Variants in SENP6 observed in about 807,000 individuals in gnomAD.
SENP6 encodes the protein sentrin-specific protease 6.
SENP6 carries 41 observed loss-of-function variants against 134.5 expected under a neutral mutation model. The ratio of observed to expected loss-of-function variants is 0.30; its 90% confidence interval spans 0.24 to 0.40. The LOEUF (loss-of-function observed/expected upper bound fraction) is 0.40. Ranked by LOEUF, SENP6 falls within the 10% of genes least tolerant of loss-of-function variation. The pLI, the probability that SENP6 is intolerant of heterozygous loss-of-function variation, is 1.00. For synonymous variants in SENP6, 395 were observed against 429.8 expected (o/e 0.92, Z 1.00); for missense variants, 1,248 against 1,312.5 (o/e 0.95, Z 0.76).
chr6:75,640,710 C>CT lies in SENP6; in HGVS notation c.479+8dup, dbSNP rs1769961616. On this transcript the variant is annotated splice_region_variant and intron_variant, in intron 6 of 23. Transcript: ENST00000447266. ...AGTCTGGACCGAAAAGAAAGGTAAG[C>CT]TTAATATTGAAGAAATTAGAGCATG... 6.7e-7 allele frequency: 1 copy of CT among 1,488,386 alleles called. No individual in the cohort carries two copies. Among genetic ancestry groups the CT allele is most frequent in the Non-Finnish European group, 9.0e-7 (1 of 1,106,300 alleles). The allele number at this position is 1,488,386 out of a possible 1,614,324, so 92.2% of individuals were successfully genotyped here. A position where few individuals can be genotyped will look rare whatever the true frequency, so the allele number is the denominator to read the frequency against.
At chr6:75,625,700 C>T (rs1768632325) in intron 3 of SENP6, among the ~76,000 whole-genome samples, 1 of 152,114 alleles carries the variant, frequency 6.6e-6, no homozygotes, top group Non-Finnish European at 1.5e-5. Context: ...GAAACCTCGT[C>T]TCTACTAAAA....
intron 2 of SENP6, among the ~76,000 whole-genome samples, chr6:75,622,296 G>A (rs990716825): frequency 6.6e-6 from 1 of 152,110 alleles, no homozygotes; most frequent in Non-Finnish European, 1.5e-5. Flanking sequence ...AGTGGCTCAT[G>A]CCTGTAATCC....
chr6:75,659,811 G>T (rs1771636463), intron 8 of SENP6, among the ~76,000 whole-genome samples: 3 of 152,014 alleles, frequency 2.0e-5, no homozygotes, highest in South Asian at 4.1e-4. Flanking sequence ...ACCCATAAAC[G>T]TGTGTATATG....
At chr6:75,648,314 G>A (rs1477613432) in intron 7 of SENP6, among the ~76,000 whole-genome samples, 4 of 151,944 alleles carry the variant, frequency 2.6e-5, no homozygotes, top group Non-Finnish European at 5.9e-5. Flanking sequence ...TAAAATAAGG[G>A]CAAATAACAT....
intron 1 of SENP6, among the ~76,000 whole-genome samples, chr6:75,619,417 T>C (rs1254781559): frequency 6.6e-6 from 1 of 151,582 alleles, no homozygotes; most frequent in African/African-American, 2.4e-5. Flanking sequence ...CGTATCCCTT[T>C]AAGGCTGAAT....
chr6:75,686,406 A>G (rs1773844351), intron 16 of SENP6, among the ~76,000 whole-genome samples: 1 of 152,152 alleles, frequency 6.6e-6, no homozygotes, highest in Non-Finnish European at 1.5e-5. Flanking sequence ...TTTAAAGTTA[A>G]CATTGTTATG....
rs770465095 is a variant in SENP6 at position 75,709,637 on chromosome 6, C to G, written c.2820+7C>G. On this transcript the variant is annotated splice_region_variant and intron_variant, in intron 20 of 23. Transcript: ENST00000447266. The stretch of plus-strand genomic sequence containing the variant: ...AGAAGATCAGGATAACCAGGTAAAA[C>G]TTAATGCTTGGCAAAAAGTTCTAAT... 1.0e-5 allele frequency: 16 copies of G among 1,604,496 alleles called. No individual in the cohort carries two copies. The Admixed American group carries it at 2.5e-4, about 25-fold the overall frequency.
chr6:75,692,970 A>C (rs1774388784), intron 16 of SENP6, among the ~76,000 whole-genome samples: 1 of 152,126 alleles, frequency 6.6e-6, no homozygotes, highest in African/African-American at 2.4e-5. Context: ...ACTCTGGAGG[A>C]AGAGGTAAGA....
At chr6:75,699,214 C>T (rs1302545107) in intron 18 of SENP6, among the ~76,000 whole-genome samples, 1 of 149,818 alleles carries the variant, frequency 6.7e-6, no homozygotes, top group Non-Finnish European at 1.5e-5. Context: ...CCCTCTTAGT[C>T]ACTATACCTC....
intron 6 of SENP6, among the ~76,000 whole-genome samples, chr6:75,641,237 G>A (rs1770003833): frequency 1.3e-5 from 2 of 152,112 alleles, no homozygotes; most frequent in Admixed American, 6.5e-5. Context: ...CATTCTGAAT[G>A]TACATTTTTC....
chr6:75,714,714 A>G (rs2149909827), intron 23 of SENP6, among the ~76,000 whole-genome samples: 1 of 152,322 alleles, frequency 6.6e-6, no homozygotes, highest in East Asian at 1.9e-4. Context: ...TAGCTTTAAT[A>G]CAACAGCCAG....
At position 75,697,337 on chromosome 6, in the gene SENP6, T is replaced by C. The variant is rs1008270197; in HGVS notation, c.2196-88T>C. The stretch of plus-strand genomic sequence containing the variant: ...TTATGCAACTGTTTGAGCTATTACA[T>C]CTGAATCTTCTTAATTTATAAATCA... On this transcript the variant is annotated intron_variant, in intron 17 of 23. Coordinates refer to ENST00000447266, the MANE Select transcript of SENP6 (RefSeq NM_015571.4). The C allele has an allele frequency of 3.3e-6, 3 of 922,760 alleles. No individual in the cohort carries two copies. The African/African-American group carries it at 5.0e-5, about 15-fold the overall frequency. 57.2% of individuals were successfully genotyped at this position (922,760 alleles called of 1,614,324 possible). A position where few individuals can be genotyped will look rare whatever the true frequency, so the allele number is the denominator to read the frequency against.
Position 75,678,931 on chromosome 6 carries a change from A to T in SENP6, c.2075+4A>T, listed in dbSNP as rs1345595945. 1 of 1,286,746 alleles carries T rather than the reference A, an allele frequency of 7.8e-7. No homozygotes were observed. Among genetic ancestry groups the T allele is most frequent in the Non-Finnish European group, 1.1e-6 (1 of 892,934 alleles). 79.7% of individuals were successfully genotyped at this position (1,286,746 alleles called of 1,614,324 possible). On this transcript the variant is annotated splice_donor_region_variant and intron_variant, in intron 16 of 23. Coordinates refer to ENST00000447266, the MANE Select transcript of SENP6 (RefSeq NM_015571.4). ...TTATTATAGACTTTTATTTGAAGTAAGTTAATTTTCCACTGATCTTTTATT... is the reference window on the plus strand; with the variant it reads ...TTATTATAGACTTTTATTTGAAGTATGTTAATTTTCCACTGATCTTTTATT...
At chr6:75,675,565 A>G (rs1773022769) in intron 12 of SENP6, 97 bp downstream of exon 12, 2 of 782,068 alleles carry the variant, frequency 2.6e-6, no homozygotes, top group Admixed American at 2.9e-5. Flanking sequence ...GAATTTATTA[A>G]GATGGTTAGT....
chr6:75,679,867 A>G (rs944660767), intron 16 of SENP6: 7 of 152,206 alleles, frequency 4.6e-5, no homozygotes, highest in African/African-American at 1.7e-4. Flanking sequence ...TTAAAAATTG[A>G]TGCTGGAATC....
chr6:75,643,900 A>T (rs867301846), intron 6 of SENP6, among the ~76,000 whole-genome samples: 3 of 152,208 alleles, frequency 2.0e-5, no homozygotes, highest in Non-Finnish European at 4.4e-5. Flanking sequence ...ATTAATAAAA[A>T]GAGCTATCAT....
chr6:75,607,326 T>C lies in SENP6; in HGVS notation c.52+4750T>C, dbSNP rs145091638. 3.9e-5 allele frequency among the ~76,000 whole-genome samples: 6 copies of C among 152,088 alleles called. No individual in the cohort carries two copies. The East Asian group carries it at 1.2e-3, about 29-fold the overall frequency. On this transcript the variant is annotated intron_variant, in intron 1 of 23. Coordinates refer to ENST00000447266, the MANE Select transcript of SENP6 (RefSeq NM_015571.4). ...CAAAAAAAAAAAGGTCATCAGCTGC[T>C]ACATGGAGAGAGCTTCAGAGAGGGG...
At chr6:75,682,260 C>CA in intron 16 of SENP6, among the ~76,000 whole-genome samples, 1 of 151,906 alleles carries the variant, frequency 6.6e-6, no homozygotes, top group East Asian at 1.9e-4. Context: ...AAAGGAGAAA[C>CA]AGACAAATCC....
intron 1 of SENP6, among the ~76,000 whole-genome samples, chr6:75,613,435 C>CTGG (rs1381668291): frequency 6.6e-6 from 1 of 152,026 alleles, no homozygotes; most frequent in East Asian, 1.9e-4. Context: ...CAGAAAAAGG[C>CTGG]TGGTGACCTC....
Sources: gnomAD v4.1 joint callset for allele counts (sites outside exome capture counted in the v4.1 genomes callset) on GRCh38, gnomAD v4.1.1 for gene constraint, MANE v1.5 for transcripts, NCBI Gene and HGNC (gene_info 2026-07-23, HGNC 2026-07-21) for gene names.